Variants in CSGALNACT1 observed in about 807,000 individuals in gnomAD.
CSGALNACT1 encodes chondroitin sulfate N-acetylgalactosaminyltransferase 1.
CSGALNACT1 carries 52 observed loss-of-function variants against 51.0 expected under a neutral mutation model. That is an observed-to-expected ratio of 1.02 (90% CI 0.82 to 1.29). The LOEUF (loss-of-function observed/expected upper bound fraction) is 1.29, where lower values mean the gene tolerates loss of function less well. Among genes scored for constraint, CSGALNACT1 ranks in the 50% most tolerant of loss-of-function variants. CSGALNACT1 has a pLI of 0.00. For missense variants in CSGALNACT1, 935 were observed against 679.2 expected, an observed-to-expected ratio of 1.38 and a Z score of -4.19; for synonymous variants, 341 against 254.4, an observed-to-expected ratio of 1.34 and a Z score of -3.24.
At chr8:19,574,461 A>T (rs956139126) in intron 3 of CSGALNACT1, among the ~76,000 whole-genome samples, 4 of 152,194 alleles carry the variant, frequency 2.6e-5, no homozygotes, top group Non-Finnish European at 5.9e-5. Flanking sequence ...CTGCTCTTTC[A>T]CAAGAGGCTC....
intron 4 of CSGALNACT1, among the ~76,000 whole-genome samples, chr8:19,475,019 G>C (rs767684766): frequency 9.2e-5 from 14 of 152,074 alleles, no homozygotes; most frequent in Non-Finnish European, 1.6e-4. Context: ...CTATAACACC[G>C]TGGTCAGGGC....
chr8:19,440,241 G>A (rs1253203808), intron 5 of CSGALNACT1, among the ~76,000 whole-genome samples: 3 of 152,132 alleles, frequency 2.0e-5, no homozygotes, highest in Non-Finnish European at 4.4e-5. Context: ...TTGGGTCCTT[G>A]GGGTCCCTGG....
intron 1 of CSGALNACT1, among the ~76,000 whole-genome samples, chr8:19,631,233 T>C (rs1402483106): frequency 1.3e-5 from 2 of 152,190 alleles, no homozygotes; most frequent in Non-Finnish European, 2.9e-5. Context: ...GATTGCTCGC[T>C]TATATGCTAA....
chr8:19,728,857 C>T (rs2063542439), intron 1 of CSGALNACT1, among the ~76,000 whole-genome samples: 1 of 152,040 alleles, frequency 6.6e-6, no homozygotes, highest in Admixed American at 6.6e-5. Flanking sequence ...ACTCACCCAC[C>T]TTTGGCATAA....
At chr8:19,500,971 C>T (rs771287351) in intron 4 of CSGALNACT1, among the ~76,000 whole-genome samples, 51 of 152,114 alleles carry the variant, frequency 3.4e-4, no homozygotes, top group Non-Finnish European at 6.3e-4. Context: ...GGGCAGAGGC[C>T]GGGCACGGTG....
chr8:19,587,135 G>C (rs949279496), intron 3 of CSGALNACT1, among the ~76,000 whole-genome samples: 9 of 152,102 alleles, frequency 5.9e-5, no homozygotes, highest in Non-Finnish European at 1.3e-4. Context: ...AACAGCAATC[G>C]CTGCAAACTG....
intron 9 of CSGALNACT1, among the ~76,000 whole-genome samples, chr8:19,407,680 C>G (rs1415828960): frequency 1.3e-5 from 2 of 152,120 alleles, no homozygotes; most frequent in East Asian, 3.9e-4. Flanking sequence ...ATCCCAAGGG[C>G]CTTTTCTCTC....
chr8:19,742,185 A>C (rs931102506), intron 1 of CSGALNACT1, among the ~76,000 whole-genome samples: 1 of 152,214 alleles, frequency 6.6e-6, no homozygotes, highest in African/African-American at 2.4e-5. Flanking sequence ...GTTTGCTATC[A>C]TTCCCATTTT....
At chr8:19,468,134 G>C (rs1258654061) in intron 4 of CSGALNACT1, among the ~76,000 whole-genome samples, 1 of 151,966 alleles carries the variant, frequency 6.6e-6, no homozygotes, top group Admixed American at 6.6e-5. Context: ...AAAAAGGAGG[G>C]CATCTCCACC....
chr8:19,626,330 G>A (rs11986417), intron 1 of CSGALNACT1, among the ~76,000 whole-genome samples: 2,221 of 152,184 alleles, frequency 0.015, 53 homozygotes, highest in South Asian at 0.067. Flanking sequence ...ATGGAGGAAG[G>A]AGACTGTTTT....
Position 19,445,409 on chromosome 8 carries a change from T to C in CSGALNACT1, c.852-5478A>G, listed in dbSNP as rs1021990357. 2.6e-5 allele frequency among the ~76,000 whole-genome samples: 4 copies of C among 152,338 alleles called. 1 individual carries two copies. The highest frequency in any genetic ancestry group is 4.1e-4 in the South Asian group (2 of 4,826). On this transcript the variant is annotated intron_variant, in intron 5 of 9. Coordinates refer to ENST00000454498, the Ensembl canonical transcript of CSGALNACT1. ...ATAACATCTTTGCTGTCTCCCTCTC[T>C]GGTATTTTTAAATCCATTCAAAGAA...
intron 3 of CSGALNACT1, among the ~76,000 whole-genome samples, chr8:19,554,746 C>A (rs993265550): frequency 1.3e-5 from 2 of 151,836 alleles, no homozygotes; most frequent in Non-Finnish European, 2.9e-5. Flanking sequence ...GGTGAAACCC[C>A]GTCTCTACTA....
intron 1 of CSGALNACT1, among the ~76,000 whole-genome samples, chr8:19,712,261 G>A (rs573232251): frequency 3.9e-5 from 6 of 152,068 alleles, no homozygotes; most frequent in South Asian, 2.1e-4. Flanking sequence ...TCCTGACCTC[G>A]TGATCCGCCC....
At chr8:19,466,330 G>A (rs1190958538) in intron 4 of CSGALNACT1, among the ~76,000 whole-genome samples, 2 of 152,162 alleles carry the variant, frequency 1.3e-5, no homozygotes, top group East Asian at 3.9e-4. Flanking sequence ...TAGCCAAAAG[G>A]CTGAGAAGCG....
At chr8:19,479,467 C>T (rs1224717355) in intron 4 of CSGALNACT1, among the ~76,000 whole-genome samples, 1 of 152,164 alleles carries the variant, frequency 6.6e-6, no homozygotes, top group Non-Finnish European at 1.5e-5. Context: ...TGTGGTTATT[C>T]TTTTTCTTTC....
intron 3 of CSGALNACT1, among the ~76,000 whole-genome samples, chr8:19,574,224 A>G (rs557103684): frequency 5.4e-4 from 82 of 152,300 alleles, no homozygotes; most frequent in South Asian, 4.1e-4. Flanking sequence ...GCAGATGTTT[A>G]AAGTTCATTC....
rs2069347025 is a variant in CSGALNACT1, at chr8:19,475,483, G to C, written c.635-16841C>G. On this transcript the variant is annotated intron_variant, in intron 4 of 9. Transcript: ENST00000454498. ...TATGTTCCAATCACCATAAAGTTTT[G>C]AAGGAAAGCCCCCGGAGAACAGCTT... is the stretch of plus-strand genomic sequence containing the variant. Among the ~76,000 whole-genome samples, 3 of 152,088 alleles carry C rather than the reference G, an allele frequency of 2.0e-5. No homozygotes were observed. The South Asian group carries it at 6.2e-4, about 32-fold the overall frequency.
chr8:19,419,307 C>G lies in CSGALNACT1; in HGVS notation c.1133-557G>C, dbSNP rs541619003. ...CCATGACCAAGCACTGGGCATCACGCCTTGGGAGGGGGTGTGAAAGAGAGT... is the reference window on the plus strand; with the variant it reads ...CCATGACCAAGCACTGGGCATCACGGCTTGGGAGGGGGTGTGAAAGAGAGT... On this transcript the variant is annotated intron_variant, in intron 7 of 9. Coordinates refer to ENST00000454498, the Ensembl canonical transcript of CSGALNACT1. 8.5e-5 allele frequency among the ~76,000 whole-genome samples: 13 copies of G among 152,308 alleles called. No homozygotes were observed. The East Asian group carries it at 2.3e-3, about 27-fold the overall frequency.
chr8:19,530,019 A>G (rs1181199915), intron 3 of CSGALNACT1, among the ~76,000 whole-genome samples: 4 of 152,106 alleles, frequency 2.6e-5, no homozygotes, highest in Admixed American at 2.6e-4. Context: ...CAGGAGTTGG[A>G]GTCCAGCCTG....
Sources: allele counts gnomAD v4.1 joint callset (sites outside exome capture counted in the v4.1 genomes callset), GRCh38; gene constraint gnomAD v4.1.1; transcripts MANE v1.5; gene names NCBI Gene and HGNC (gene_info 2026-07-23, HGNC 2026-07-21).